Variants in ADGRG6 observed in about 807,000 individuals in gnomAD.
ADGRG6 encodes G-protein coupled receptor 126.
A neutral mutation model predicts 142.4 loss-of-function variants in ADGRG6; 84 were observed. That is an observed-to-expected ratio of 0.59 (90% CI 0.49 to 0.71). The LOEUF (loss-of-function observed/expected upper bound fraction) is 0.71, where lower values mean the gene tolerates loss of function less well. Among genes scored for constraint, ADGRG6 ranks in the 30% least tolerant of loss-of-function variants. The pLI is 0.00. For missense variants in ADGRG6, 1,367 were observed against 1,466.6 expected, an observed-to-expected ratio of 0.93 and a Z score of 1.11; for synonymous variants, 521 against 520.5, an observed-to-expected ratio of 1.00 and a Z score of -0.01.
At chr6:142,417,895 A>G (rs1039486962) in intron 21 of ADGRG6, among the ~76,000 whole-genome samples, 2 of 152,188 alleles carry the variant, frequency 1.3e-5, no homozygotes, top group Non-Finnish European at 2.9e-5. Flanking sequence ...CACCATGGGT[A>G]CTCAATAAAT....
At chr6:142,391,076 C>T (rs1480000166) in intron 7 of ADGRG6, among the ~76,000 whole-genome samples, 1 of 151,616 alleles carries the variant, frequency 6.6e-6, no homozygotes, top group Non-Finnish European at 1.5e-5. Context: ...ATTTATTTAA[C>T]CAGTATCCTA....
intron 22 of ADGRG6, among the ~76,000 whole-genome samples, chr6:142,430,931 C>T (rs1777178142): frequency 6.6e-6 from 1 of 152,138 alleles, no homozygotes; most frequent in South Asian, 2.1e-4. Flanking sequence ...GACAAGTTGG[C>T]ATTTGATAAA....
intron 9 of ADGRG6, among the ~76,000 whole-genome samples, chr6:142,396,232 G>A (rs961606838): frequency 1.3e-5 from 2 of 152,166 alleles, no homozygotes; most frequent in Non-Finnish European, 2.9e-5. Context: ...ACTTAATCCA[G>A]GGATACTTTT....
chr6:142,363,973 G>A (rs371071376), intron 2 of ADGRG6, among the ~76,000 whole-genome samples: 11 of 149,608 alleles, frequency 7.4e-5, no homozygotes, highest in African/African-American at 2.4e-4. Context: ...TGAGCTCACC[G>A]TTTTGTTCTG....
chr6:142,341,260 T>G (rs561285541), intron 2 of ADGRG6, among the ~76,000 whole-genome samples: 4 of 149,988 alleles, frequency 2.7e-5, no homozygotes, highest in Non-Finnish European at 5.9e-5. Flanking sequence ...CCAAGCCTTG[T>G]GACTTTTGGC....
chr6:142,374,893 A>G (rs531223202), intron 4 of ADGRG6, among the ~76,000 whole-genome samples: 153 of 152,318 alleles, frequency 1.0e-3, no homozygotes, highest in Middle Eastern at 6.8e-3. Flanking sequence ...TTGTTATCTC[A>G]TATACTTATC....
At chr6:142,322,632 G>A (rs756284487) in intron 2 of ADGRG6, among the ~76,000 whole-genome samples, 2 of 151,814 alleles carry the variant, frequency 1.3e-5, no homozygotes, top group Non-Finnish European at 2.9e-5. Flanking sequence ...ATAATATATT[G>A]GATTTTGCTT....
intron 5 of ADGRG6, among the ~76,000 whole-genome samples, chr6:142,383,479 T>C (rs1562354532): frequency 6.6e-6 from 1 of 152,146 alleles, no homozygotes; most frequent in Non-Finnish European, 1.5e-5. Flanking sequence ...TTAATGGAGA[T>C]CTAGGTCTAG....
chr6:142,381,014 G>A (rs1024305208), intron 4 of ADGRG6, among the ~76,000 whole-genome samples: 6 of 152,138 alleles, frequency 3.9e-5, no homozygotes, highest in African/African-American at 1.4e-4. Flanking sequence ...CTTTCCTTGG[G>A]TCAAGTGCCC....
chr6:142,364,585 A>G (rs547387816), intron 2 of ADGRG6, among the ~76,000 whole-genome samples: 3 of 152,290 alleles, frequency 2.0e-5, no homozygotes, highest in South Asian at 2.1e-4. Context: ...ATATTAATCC[A>G]TGTTATCCTC....
At chr6:142,339,785 T>C (rs1273450647) in intron 2 of ADGRG6, among the ~76,000 whole-genome samples, 1 of 152,196 alleles carries the variant, frequency 6.6e-6, no homozygotes, top group Non-Finnish European at 1.5e-5. Flanking sequence ...GCAACTCTTT[T>C]TACTTAATGG....
chr6:142,440,506 G>C (rs1777703038), intron 24 of ADGRG6, among the ~76,000 whole-genome samples: 1 of 151,932 alleles, frequency 6.6e-6, no homozygotes, highest in African/African-American at 2.4e-5. Context: ...ATCTTACCCA[G>C]GCTAGTCTCA....
At chr6:142,398,224 GAGA>G (rs1016069650) in intron 10 of ADGRG6, among the ~76,000 whole-genome samples, 2 of 152,150 alleles carry the variant, frequency 1.3e-5, no homozygotes, top group African/African-American at 4.8e-5. Context: ...CCAGGAATTC[GAGA>G]CTAGCCTGGG....
At chr6:142,435,033 T>G (rs889900541) in intron 22 of ADGRG6, among the ~76,000 whole-genome samples, 3 of 152,118 alleles carry the variant, frequency 2.0e-5, no homozygotes, top group Non-Finnish European at 1.5e-5. Flanking sequence ...CTGTTAAGAC[T>G]TTTTCCCACT....
intron 2 of ADGRG6, among the ~76,000 whole-genome samples, chr6:142,335,793 G>T (rs563502654): frequency 6.6e-6 from 1 of 152,078 alleles, no homozygotes; most frequent in East Asian, 1.9e-4. Flanking sequence ...CAGAGAAGAA[G>T]GTGTTATAGA....
At chr6:142,358,588 T>A (rs900812462) in intron 2 of ADGRG6, among the ~76,000 whole-genome samples, 1 of 152,160 alleles carries the variant, frequency 6.6e-6, no homozygotes, top group Non-Finnish European at 1.5e-5. Context: ...TTTGTATTGT[T>A]TATATAAAAA....
chr6:142,335,144 G>A (rs1392768857), intron 2 of ADGRG6, among the ~76,000 whole-genome samples: 1 of 152,158 alleles, frequency 6.6e-6, no homozygotes, highest in African/African-American at 2.4e-5. Flanking sequence ...GGTGATCGGA[G>A]GATAGTATTG....
intron 22 of ADGRG6, among the ~76,000 whole-genome samples, chr6:142,431,225 T>C (rs552789203): frequency 4.3e-4 from 66 of 152,008 alleles, no homozygotes; most frequent in Non-Finnish European, 8.2e-4. Context: ...AGCATGAAGG[T>C]TTTTTTCCTT....
chr6:142,381,777 T>C (rs1287191251), intron 4 of ADGRG6, among the ~76,000 whole-genome samples, 174 bp from the exon 5 acceptor site: 1 of 152,336 alleles, frequency 6.6e-6, no homozygotes, highest in South Asian at 2.1e-4. Context: ...ATCAATACTT[T>C]GGTTTTACAT....
Sources: gnomAD v4.1 joint callset for allele counts (sites outside exome capture counted in the v4.1 genomes callset) on GRCh38, gnomAD v4.1.1 for gene constraint, MANE v1.5 for transcripts, NCBI Gene and HGNC (gene_info 2026-07-23, HGNC 2026-07-21) for gene names.